Variants in WNK3 observed in about 807,000 individuals in gnomAD.
WNK3 encodes the protein WNK lysine deficient protein kinase 3, also known as serine/threonine-protein kinase WNK3.
A neutral mutation model predicts 116.7 loss-of-function variants in WNK3; 18 were observed. That is an observed-to-expected ratio of 0.15 (90% CI 0.11 to 0.23). The LOEUF is 0.23. Ranked by LOEUF, WNK3 falls within the 10% of genes least tolerant of loss-of-function variation. The pLI is 1.00. For missense variants in WNK3, 993 were observed against 1,323.8 expected (o/e 0.75, Z 3.88); for synonymous variants, 404 against 469.4 (o/e 0.86, Z 1.80).
intron 14 of WNK3, 39 bp downstream of exon 14, chrX:54,251,493 A>C: frequency 8.3e-7 from 1 of 1,202,332 alleles, no homozygotes. Context: ...TTCCTGATTC[A>C]TATCTGAGAA....
chrX:54,240,042 C>T (rs2068005823), intron 17 of WNK3, among the ~76,000 whole-genome samples: 2 of 112,108 alleles, frequency 1.8e-5, no homozygotes, highest in Admixed American at 9.5e-5. Flanking sequence ...CAGTGGCTCA[C>T]GCCTGTAATG....
chrX:54,249,185 A>C, exon 17 of WNK3: 1 of 1,211,412 alleles, frequency 8.3e-7, no homozygotes, highest in Non-Finnish European at 1.1e-6. Flanking sequence ...TGAGAAATAA[A>C]CTCTGCATCC....
At chrX:54,346,279 C>A (rs868971938) in intron 1 of WNK3, among the ~76,000 whole-genome samples, 17 of 30,339 alleles carry the variant, frequency 5.6e-4, no homozygotes, top group East Asian at 2.2e-3. Flanking sequence ...GCTGATCAGC[C>A]AAAAAAAAAA....
At chrX:54,340,098 C>T (rs967761783) in intron 1 of WNK3, among the ~76,000 whole-genome samples, 19 of 110,261 alleles carry the variant, frequency 1.7e-4, no homozygotes, top group African/African-American at 5.9e-4. Context: ...TACAGTGAGC[C>T]GAGATCACGC....
intron 2 of WNK3, among the ~76,000 whole-genome samples, chrX:54,318,571 T>C (rs935012724): frequency 1.8e-5 from 2 of 108,751 alleles, no homozygotes; most frequent in Non-Finnish European, 3.8e-5. Context: ...CATGGAGGCA[T>C]GCACCTGTAG....
intron 10 of WNK3, among the ~76,000 whole-genome samples, chrX:54,265,709 C>G (rs28634267): frequency 1.8e-5 from 2 of 112,388 alleles, no homozygotes; most frequent in Admixed American, 1.9e-4. Flanking sequence ...TACAAAAGAA[C>G]AAAAGCAAAA....
At chrX:54,344,726 C>T (rs1208077772) in intron 1 of WNK3, among the ~76,000 whole-genome samples, 3 of 111,085 alleles carry the variant, frequency 2.7e-5, no homozygotes, top group Non-Finnish European at 5.7e-5. Flanking sequence ...GGGTGGAACA[C>T]GAGGTCAGGA....
chrX:54,226,191 C>T (rs1327917462), intron 22 of WNK3, among the ~76,000 whole-genome samples: 2 of 108,739 alleles, frequency 1.8e-5, no homozygotes, highest in Non-Finnish European at 3.8e-5. Flanking sequence ...TAAATGTAGC[C>T]GGGTGCAGCG....
chrX:54,279,339 G>A (rs1557161798), intron 10 of WNK3, among the ~76,000 whole-genome samples: 1 of 111,325 alleles, frequency 9.0e-6, no homozygotes. Flanking sequence ...TATAATGTAT[G>A]TAGATGTAAT....
chrX:54,305,630 A>G (rs1717651913), intron 5 of WNK3, among the ~76,000 whole-genome samples: 2 of 111,145 alleles, frequency 1.8e-5, no homozygotes, highest in South Asian at 7.7e-4. Flanking sequence ...AAACTTCTAG[A>G]GTCAGACAGA....
At chrX:54,283,685 C>T (rs1333414027) in intron 10 of WNK3, among the ~76,000 whole-genome samples, 1 of 101,937 alleles carries the variant, frequency 9.8e-6, no homozygotes, top group African/African-American at 3.6e-5. Context: ...AGGAGAATGG[C>T]GTGAACCTGG....
At chrX:54,279,219 A>G (rs1469938615) in intron 10 of WNK3, among the ~76,000 whole-genome samples, 1 of 109,138 alleles carries the variant, frequency 9.2e-6, no homozygotes, top group African/African-American at 3.3e-5. Flanking sequence ...GCACAATCCA[A>G]AAAAAAAAAA....
chrX:54,335,535 TCTTA>T (rs1557175229), intron 1 of WNK3, among the ~76,000 whole-genome samples: 1 of 111,825 alleles, frequency 8.9e-6, no homozygotes, highest in African/African-American at 3.2e-5. Context: ...CCTGTATACT[TCTTA>T]CTATGTTACG....
chrX:54,310,265 G>A (rs890500443), intron 3 of WNK3, among the ~76,000 whole-genome samples: 5 of 110,150 alleles, frequency 4.5e-5, no homozygotes, highest in Non-Finnish European at 9.4e-5. Flanking sequence ...TTATGGCCGG[G>A]CATGCTGCCT....
chrX:54,199,398 T>C (rs1569534770), intron 23 of WNK3, among the ~76,000 whole-genome samples: 1 of 111,479 alleles, frequency 9.0e-6, no homozygotes, highest in Non-Finnish European at 1.9e-5. Flanking sequence ...AGAGTTACCA[T>C]GACTAACTCT....
chrX:54,213,457 GGC>G (rs1293883563), intron 22 of WNK3, among the ~76,000 whole-genome samples: 1 of 105,689 alleles, frequency 9.5e-6, no homozygotes, highest in Non-Finnish European at 1.9e-5. Flanking sequence ...GGGAGGCTGA[GGC>G]AGGAGAATCG....
chrX:54,277,672 T>C (rs2068465947), intron 10 of WNK3, among the ~76,000 whole-genome samples: 1 of 111,666 alleles, frequency 9.0e-6, no homozygotes, highest in Admixed American at 9.6e-5. Context: ...CCAAGGATTC[T>C]ACCAAAAAAA....
At chrX:54,326,047 GAAC>G (rs782443386) in intron 2 of WNK3, among the ~76,000 whole-genome samples, 93 of 109,866 alleles carry the variant, frequency 8.5e-4, no homozygotes, top group African/African-American at 2.9e-3. Flanking sequence ...TTTTTACAAA[GAAC>G]AATAGGTCAA....
At chrX:54,234,003 AAAAG>A (rs2067934552) in intron 20 of WNK3, among the ~76,000 whole-genome samples, 1 of 109,089 alleles carries the variant, frequency 9.2e-6, no homozygotes, top group Non-Finnish European at 1.9e-5. Flanking sequence ...TAATAGTAAT[AAAAG>A]AAAGAATAAT....
Sources: allele counts gnomAD v4.1 joint callset (sites outside exome capture counted in the v4.1 genomes callset), GRCh38; gene constraint gnomAD v4.1.1; transcripts MANE v1.5; gene names NCBI Gene and HGNC (gene_info 2026-07-23, HGNC 2026-07-21).